MEI4: variants seen among roughly 807,000 people sequenced by gnomAD.
MEI4 encodes the protein meiosis-specific protein MEI4.
Under a neutral mutation model 31.4 loss-of-function variants are expected in MEI4, and 27 were observed. The ratio of observed to expected loss-of-function variants is 0.86; its 90% CI spans 0.63 to 1.19. The LOEUF is 1.19. Among genes scored for constraint, MEI4 ranks in the 50% most tolerant of loss-of-function variants. The probability of loss-of-function intolerance (pLI) is 0.00; values close to 1 mark genes in which losing one functional copy is unlikely to be tolerated. For missense variants in MEI4, 329 were observed against 398.9 expected, an observed-to-expected ratio of 0.82 and a Z score of 1.49; for synonymous variants, 122 against 145.4, an observed-to-expected ratio of 0.84 and a Z score of 1.16.
At chr6:77,753,413 AAAC>A (rs1215050135) in intron 2 of MEI4, among the ~76,000 whole-genome samples, 1 of 152,092 alleles carries the variant, frequency 6.6e-6, no homozygotes, top group African/African-American at 2.4e-5. Context: ...CAAGAAAAAA[AAAC>A]AACCCCATCA....
intron 3 of MEI4, among the ~76,000 whole-genome samples, chr6:77,789,004 T>C (rs999668585): frequency 6.6e-6 from 1 of 152,122 alleles, no homozygotes; most frequent in Non-Finnish European, 1.5e-5. Context: ...CTTCAAACTA[T>C]ACTACAAGGC....
intron 4 of MEI4, among the ~76,000 whole-genome samples, chr6:77,921,263 G>A (rs1356762714): frequency 6.6e-6 from 1 of 151,778 alleles, no homozygotes; most frequent in Non-Finnish European, 1.5e-5. Flanking sequence ...TTATAAAGGT[G>A]GCTTCTTCCC....
Position 77,820,906 on chromosome 6 carries a change from G to GT in MEI4, c.769-8018dup, listed in dbSNP as rs200235597. 2.0e-5 allele frequency among the ~76,000 whole-genome samples: 3 copies of GT among 151,512 alleles called. No individual in the cohort carries two copies. Among genetic ancestry groups the GT allele is most frequent in the South Asian group, 4.2e-4 (2 of 4,800 alleles). Reference sequence around the variant, plus strand: ...GTTTCTTCTCCAGTAGTCTCTCTTAGTTTTTTTCTTTTTCTTTTTTTGAAT... The same window carrying GT: ...GTTTCTTCTCCAGTAGTCTCTCTTAGTTTTTTTTCTTTTTCTTTTTTTGAAT... On this transcript the variant is annotated intron_variant, in intron 3 of 4. Transcript: ENST00000684080. The surrounding 1 kb of genome is among the most constrained non-coding windows in gnomAD (Gnocchi z 4.5).
intron 2 of MEI4, among the ~76,000 whole-genome samples, chr6:77,695,376 C>T (rs1223586793): frequency 6.6e-6 from 1 of 152,088 alleles, no homozygotes; most frequent in African/African-American, 2.4e-5. Context: ...AGGTTTTCTT[C>T]TAGGGTTTTT....
At chr6:77,867,429 A>C (rs540417151) in intron 4 of MEI4, among the ~76,000 whole-genome samples, 1 of 152,354 alleles carries the variant, frequency 6.6e-6, no homozygotes, top group African/African-American at 2.4e-5. Context: ...CACTTCTCAA[A>C]AGAAGACATT....
intron 4 of MEI4, among the ~76,000 whole-genome samples, chr6:77,891,092 A>G (rs1771756335): frequency 6.6e-6 from 1 of 152,174 alleles, no homozygotes; most frequent in Non-Finnish European, 1.5e-5. Context: ...TACTTTTGAC[A>G]GTTTTACTCT....
At chr6:77,828,471 G>A (rs1419876330) in intron 3 of MEI4, among the ~76,000 whole-genome samples, 3 of 152,014 alleles carry the variant, frequency 2.0e-5, no homozygotes, top group Admixed American at 6.6e-5. Flanking sequence ...ATGATCTGAC[G>A]TGGAACAGTT....
rs544204472 is a variant in MEI4 at position 77,789,968 on chromosome 6, C to T, written c.768+28303C>T. ...GACACATGCACACGTATGTTTATTGCGGCACTATTCACAATAGCAAAGTCT... is the reference window on the plus strand; with the variant it reads ...GACACATGCACACGTATGTTTATTGTGGCACTATTCACAATAGCAAAGTCT... On this transcript the variant is annotated intron_variant, in intron 3 of 4. Transcript: ENST00000684080. 1.8e-4 allele frequency among the ~76,000 whole-genome samples: 27 copies of T among 152,054 alleles called. No individual in the cohort carries two copies. The East Asian group carries it at 3.1e-3, about 17-fold the overall frequency.
chr6:77,793,026 T>G (rs1014055787), intron 3 of MEI4, among the ~76,000 whole-genome samples: 6 of 152,166 alleles, frequency 3.9e-5, no homozygotes, highest in Admixed American at 6.5e-5. Context: ...CAACACTATT[T>G]ATTGAAGAGA....
intron 4 of MEI4, among the ~76,000 whole-genome samples, chr6:77,910,785 T>C (rs1766416548): frequency 6.6e-6 from 1 of 152,144 alleles, no homozygotes; most frequent in African/African-American, 2.4e-5. Flanking sequence ...CAAATAGTAG[T>C]TGGATTGGTG....
chr6:77,735,780 C>G (rs1204643433), intron 2 of MEI4, among the ~76,000 whole-genome samples: 1 of 151,982 alleles, frequency 6.6e-6, no homozygotes, highest in Non-Finnish European at 1.5e-5. Context: ...TATTTTTGGT[C>G]TTTGATGATG....
chr6:77,888,439 G>A (rs912528288), intron 4 of MEI4, among the ~76,000 whole-genome samples: 1 of 149,884 alleles, frequency 6.7e-6, no homozygotes, highest in Non-Finnish European at 1.5e-5. Context: ...GCTCTACCCT[G>A]AGTTTAATAT....
intron 2 of MEI4, among the ~76,000 whole-genome samples, chr6:77,694,972 G>C (rs1292879046): frequency 6.6e-6 from 1 of 151,504 alleles, no homozygotes; most frequent in East Asian, 1.9e-4. Flanking sequence ...GTGTGAGATG[G>C]TATCTCATTG....
chr6:77,689,220 A>G (rs1279509051), intron 1 of MEI4, among the ~76,000 whole-genome samples: 1 of 152,004 alleles, frequency 6.6e-6, no homozygotes, highest in Non-Finnish European at 1.5e-5. Context: ...TACTGTCCAT[A>G]TAATTTCATG....
intron 2 of MEI4, among the ~76,000 whole-genome samples, chr6:77,740,898 ACT>A (rs1207454727): frequency 6.6e-6 from 1 of 152,014 alleles, no homozygotes; most frequent in African/African-American, 2.4e-5. Flanking sequence ...CACAAAATAA[ACT>A]CTGTGTCTAC....
At chr6:77,909,013 T>C (rs9443487) in intron 4 of MEI4, among the ~76,000 whole-genome samples, 58,768 of 151,820 alleles carry the variant, frequency 0.39, 12,327 homozygotes, top group African/African-American at 0.56. Context: ...CTAATAGACA[T>C]CTACAGAACT....
chr6:77,669,946 C>T (rs1355144550), intron 1 of MEI4, among the ~76,000 whole-genome samples: 1 of 152,182 alleles, frequency 6.6e-6, no homozygotes, highest in East Asian at 1.9e-4. Context: ...TGTGTAGTCA[C>T]AGAATCAGAA....
rs76147750 is a variant in MEI4 at position 77,798,299 on chromosome 6, G to A, written c.769-30632G>A. On this transcript the variant is annotated intron_variant, in intron 3 of 4. Coordinates refer to ENST00000684080, the MANE Select transcript of MEI4 (RefSeq NM_001322247.2). The stretch of plus-strand genomic sequence containing the variant: ...CAAAACGGCAGGTCTAAATCCTAAC[G>A]TATTGATTATTATTCAAACAATTAA... 9.3e-3 allele frequency among the ~76,000 whole-genome samples: 1,398 copies of A among 151,104 alleles called. 18 individuals carry two copies. Among genetic ancestry groups the A allele is most frequent in the African/African-American group, 0.031 (1,291 of 41,252 alleles).
chr6:77,884,845 G>A lies in MEI4; in HGVS notation c.901-38244G>A, dbSNP rs142090000. On this transcript the variant is annotated intron_variant, in intron 4 of 4. Coordinates refer to ENST00000684080, the MANE Select transcript of MEI4 (RefSeq NM_001322247.2). ...TTGAATTGATTATTTGGGTTCATTT[G>A]TGGTTGTATACAAATATTAGGATTT... 1.9e-3 allele frequency among the ~76,000 whole-genome samples: 283 copies of A among 152,188 alleles called. 1 individual carries two copies. Among genetic ancestry groups the A allele is most frequent in the South Asian group, 5.0e-3 (24 of 4,822 alleles).
Sources: gnomAD v4.1 joint callset for allele counts (sites outside exome capture counted in the v4.1 genomes callset) on GRCh38, gnomAD v4.1.1 for gene constraint, Gnocchi (gnomAD v3.1) non-coding constraint, MANE v1.5 for transcripts, NCBI Gene and HGNC (gene_info 2026-07-23, HGNC 2026-07-21) for gene names.